Variants in CSMD1 observed in about 807,000 individuals in gnomAD.
The protein encoded by CSMD1 is CUB and Sushi multiple domains 1.
A neutral mutation model predicts 417.5 loss-of-function variants in CSMD1; 213 were observed. The observed-to-expected ratio is 0.51, with a 90% CI of 0.46 to 0.57. CSMD1 has a LOEUF of 0.57. Ranked by LOEUF, CSMD1 falls within the 20% of genes least tolerant of loss-of-function variation. The pLI, the probability that CSMD1 is intolerant of heterozygous loss-of-function variation, is 0.00. For missense variants in CSMD1, 6,923 were observed against 4,529.7 expected (o/e 1.53, Z -15.17); for synonymous variants, 2,862 against 1,736.8 (o/e 1.65, Z -16.11).
chr8:3,163,768 G>T (rs553698013), intron 37 of CSMD1, among the ~76,000 whole-genome samples: 1 of 152,302 alleles, frequency 6.6e-6, no homozygotes, highest in Admixed American at 6.5e-5. Context: ...AAGGTCAAGG[G>T]AAACCCTGGG....
chr8:3,386,836 G>T (rs1328158616), intron 18 of CSMD1, among the ~76,000 whole-genome samples: 1 of 152,058 alleles, frequency 6.6e-6, no homozygotes, highest in African/African-American at 2.4e-5. Flanking sequence ...AATACCCCAA[G>T]TTTTTTTGGC....
intron 5 of CSMD1, among the ~76,000 whole-genome samples, chr8:3,997,543 G>A (rs984184257): frequency 6.6e-6 from 1 of 152,132 alleles, no homozygotes; most frequent in African/African-American, 2.4e-5. Context: ...TCTCGCTAAC[G>A]TGAGATAAAA....
chr8:4,117,009 G>T (rs553608660), intron 3 of CSMD1, among the ~76,000 whole-genome samples: 1 of 151,938 alleles, frequency 6.6e-6, no homozygotes, highest in South Asian at 2.1e-4. Flanking sequence ...ATGGCCTGAC[G>T]CTTAACCTTT....
chr8:3,839,496 TAA>T (rs1491492340), intron 5 of CSMD1, among the ~76,000 whole-genome samples: 3 of 59,788 alleles, frequency 5.0e-5, no homozygotes, highest in Non-Finnish European at 7.4e-5. Flanking sequence ...ATTTATATAT[TAA>T]TATATATATT....
intron 25 of CSMD1, among the ~76,000 whole-genome samples, chr8:3,284,898 A>C (rs1803032235): frequency 6.6e-6 from 1 of 152,196 alleles, no homozygotes; most frequent in East Asian, 1.9e-4. Context: ...TTAAAATACC[A>C]ACAGAAAGGC....
intron 4 of CSMD1, among the ~76,000 whole-genome samples, chr8:4,030,320 C>T (rs774601760): frequency 1.3e-5 from 2 of 152,230 alleles, no homozygotes; most frequent in Non-Finnish European, 2.9e-5. Context: ...TCTATCTGGA[C>T]ATCTAGGAAT....
At chr8:4,190,289 G>T (rs558594590) in intron 3 of CSMD1, among the ~76,000 whole-genome samples, 2,739 of 150,006 alleles carry the variant, frequency 0.018, 102 homozygotes, top group African/African-American at 0.062. Flanking sequence ...GAGACTCTGG[G>T]TCTGGTCTAG....
chr8:3,699,294 G>A lies in CSMD1; in HGVS notation c.1009+9120C>T, dbSNP rs144452550. 5.9e-3 allele frequency among the ~76,000 whole-genome samples: 894 copies of A among 152,264 alleles called. 11 individuals carry two copies. The highest frequency in any genetic ancestry group is 0.017 in the African/African-American group (717 of 41,552). Reference sequence around the variant, plus strand: ...TTGAAAAATTTCTCATAATTTTCCTGTTTCCTTCCATGCAGTGGATATCAT... The same window carrying A: ...TTGAAAAATTTCTCATAATTTTCCTATTTCCTTCCATGCAGTGGATATCAT... On this transcript the variant is annotated intron_variant, in intron 7 of 69. Coordinates refer to ENST00000635120, the MANE Select transcript of CSMD1 (RefSeq NM_033225.6).
chr8:3,978,485 G>C (rs904774506), intron 5 of CSMD1, among the ~76,000 whole-genome samples: 1 of 152,058 alleles, frequency 6.6e-6, no homozygotes, highest in Non-Finnish European at 1.5e-5. Context: ...TGAATATGGG[G>C]ACTTTACTTC....
At chr8:4,876,830 G>T (rs1585249928) in intron 1 of CSMD1, among the ~76,000 whole-genome samples, 1 of 151,946 alleles carries the variant, frequency 6.6e-6, no homozygotes, top group Admixed American at 6.6e-5. Flanking sequence ...TCAAGTAATA[G>T]AAGTTAAGAT....
intron 50 of CSMD1, among the ~76,000 whole-genome samples, chr8:3,033,968 C>T (rs1810506500): frequency 6.6e-6 from 1 of 152,088 alleles, no homozygotes; most frequent in East Asian, 1.9e-4. Context: ...CCATCGCGGG[C>T]CCCAGACTAG....
chr8:4,514,569 G>C (rs957540675), intron 2 of CSMD1, among the ~76,000 whole-genome samples: 13 of 152,146 alleles, frequency 8.5e-5, no homozygotes, highest in African/African-American at 3.1e-4. Context: ...TCAAAACTTA[G>C]CTACTGAGAC....
intron 10 of CSMD1, among the ~76,000 whole-genome samples, chr8:3,538,501 G>A (rs991040542): frequency 6.6e-6 from 1 of 152,170 alleles, no homozygotes; most frequent in African/African-American, 2.4e-5. Flanking sequence ...CACCTGCGAT[G>A]CCTCACCTGA....
intron 25 of CSMD1, among the ~76,000 whole-genome samples, chr8:3,307,340 A>G (rs1308974447): frequency 6.6e-6 from 1 of 152,062 alleles, no homozygotes; most frequent in African/African-American, 2.4e-5. Context: ...CACCTAAGGA[A>G]GGTCATCCTG....
At chr8:4,090,221 T>G (rs1285661270) in intron 3 of CSMD1, among the ~76,000 whole-genome samples, 1 of 152,216 alleles carries the variant, frequency 6.6e-6, no homozygotes, top group East Asian at 1.9e-4. Flanking sequence ...AAAAGTATTT[T>G]TGGCTTGTTT....
chr8:4,486,136 T>TAC (rs1171832461), intron 2 of CSMD1, among the ~76,000 whole-genome samples: 2 of 31,526 alleles, frequency 6.3e-5, no homozygotes, highest in African/African-American at 2.3e-4. Context: ...TATATATATA[T>TAC]ACATACATAT....
intron 3 of CSMD1, among the ~76,000 whole-genome samples, chr8:4,361,627 T>C (rs1384390125): frequency 6.6e-6 from 1 of 152,142 alleles, no homozygotes; most frequent in Non-Finnish European, 1.5e-5. Flanking sequence ...TGCTTTGCTG[T>C]CCCTTTTGTT....
rs73657873 is a variant in CSMD1 at position 3,417,450 on chromosome 8, A to G, written c.1562-7845T>C. ...CTTATATGCTTATTCGTATGAAAGC[A>G]ATGTTGTCTAGCTTGTATGTCTGCC... On this transcript the variant is annotated intron_variant, in intron 12 of 69. Coordinates refer to ENST00000635120, the MANE Select transcript of CSMD1 (RefSeq NM_033225.6). Among the ~76,000 whole-genome samples, 618 of 152,346 alleles carry G rather than the reference A, an allele frequency of 4.1e-3. 4 individuals carry two copies. Among genetic ancestry groups the G allele is most frequent in the African/African-American group, 0.014 (572 of 41,580 alleles).
chr8:4,287,655 G>GTTA (rs1196787768), intron 3 of CSMD1, among the ~76,000 whole-genome samples: 1 of 66,290 alleles, frequency 1.5e-5, no homozygotes, highest in African/African-American at 3.9e-5. Flanking sequence ...CGTCATAGGT[G>GTTA]GTATTATTAT....
Sources: allele counts gnomAD v4.1 joint callset (sites outside exome capture counted in the v4.1 genomes callset), GRCh38; gene constraint gnomAD v4.1.1; transcripts MANE v1.5; gene names NCBI Gene and HGNC (gene_info 2026-07-23, HGNC 2026-07-21).